NOX3: variants seen among roughly 807,000 people sequenced by gnomAD.
NOX3 encodes the protein NADPH oxidase 3, also known as NADPH oxidase catalytic subunit-like 3.
In NOX3, 74 loss-of-function variants were observed where a neutral mutation model predicts 76.7. The observed-to-expected ratio is 0.96, with a 90% confidence interval of 0.80 to 1.17. NOX3 has a LOEUF of 1.17. NOX3 is among the 50% of genes most tolerant of loss of function. NOX3 has a pLI of 0.00. For missense variants in NOX3, 695 were observed against 703.3 expected, an observed-to-expected ratio of 0.99 and a Z score of 0.13; for synonymous variants, 263 against 261.1, an observed-to-expected ratio of 1.01 and a Z score of -0.07.
intron 8 of NOX3, 22 bp from the exon 9 acceptor site, chr6:155,429,069 GTTTGCC>G: frequency 1.3e-6 from 2 of 1,511,168 alleles, no homozygotes; most frequent in Non-Finnish European, 1.8e-6. Context: ...TGAGAGAGTT[GTTTGCC>G]TTTGTCCTCG....
chr6:155,412,309 C>G (rs1476843849), intron 10 of NOX3, among the ~76,000 whole-genome samples: 1 of 152,086 alleles, frequency 6.6e-6, no homozygotes, highest in Non-Finnish European at 1.5e-5. Context: ...TGCCGGCCAG[C>G]TTGTAAGCTC....
At chr6:155,425,172 T>C (rs562595645) in intron 9 of NOX3, among the ~76,000 whole-genome samples, 6 of 152,238 alleles carry the variant, frequency 3.9e-5, no homozygotes, top group Non-Finnish European at 8.8e-5. Context: ...CTTTTGCCTT[T>C]CTGAGAAGCA....
chr6:155,409,335 T>C (rs1481877078), intron 11 of NOX3, among the ~76,000 whole-genome samples: 1 of 152,096 alleles, frequency 6.6e-6, no homozygotes, highest in Non-Finnish European at 1.5e-5. Flanking sequence ...GTGGCTCTGG[T>C]GCCAGAGGAA....
chr6:155,451,718 G>A (rs1414120853), intron 4 of NOX3, among the ~76,000 whole-genome samples: 1 of 151,864 alleles, frequency 6.6e-6, no homozygotes, highest in African/African-American at 2.4e-5. Flanking sequence ...TTCGCCTCCT[G>A]GGCTCAAGCT....
intron 9 of NOX3, among the ~76,000 whole-genome samples, chr6:155,426,298 G>C (rs75738456): frequency 0.012 from 1,902 of 152,278 alleles, 41 homozygotes; most frequent in African/African-American, 0.044. Context: ...GTCAGGGCCT[G>C]TTCTAGGCCC....
chr6:155,422,350 G>C (rs1274714151), intron 10 of NOX3, among the ~76,000 whole-genome samples: 1 of 152,190 alleles, frequency 6.6e-6, no homozygotes, highest in Non-Finnish European at 1.5e-5. Flanking sequence ...ACAGTCTGAA[G>C]CTAAAGAGAC....
intron 11 of NOX3, among the ~76,000 whole-genome samples, chr6:155,408,527 C>G (rs893401598): frequency 2.6e-5 from 4 of 152,126 alleles, no homozygotes; most frequent in African/African-American, 9.7e-5. Context: ...CTGACCTTCT[C>G]TCCAGTCTAA....
At chr6:155,446,371 C>T (rs1777064960) in intron 4 of NOX3, among the ~76,000 whole-genome samples, 1 of 152,056 alleles carries the variant, frequency 6.6e-6, no homozygotes. Context: ...ATTATCTCGA[C>T]GTCTTTAAAA....
intron 9 of NOX3, among the ~76,000 whole-genome samples, chr6:155,425,157 C>T: frequency 6.6e-6 from 1 of 152,220 alleles, no homozygotes; most frequent in East Asian, 1.9e-4. Context: ...TCTGACAACT[C>T]TCATCTTTTG....
chr6:155,419,468 A>G (rs9478650), intron 10 of NOX3, among the ~76,000 whole-genome samples: 5,047 of 152,216 alleles, frequency 0.033, 245 homozygotes, highest in African/African-American at 0.1. Context: ...AAGCTAGGAG[A>G]TTAGGACCTT....
chr6:155,416,193 G>A (rs558838027), intron 10 of NOX3, among the ~76,000 whole-genome samples: 11 of 152,336 alleles, frequency 7.2e-5, no homozygotes, highest in South Asian at 2.1e-4. Flanking sequence ...TGGGCAGCAC[G>A]CCTCTGTACC....
intron 11 of NOX3, among the ~76,000 whole-genome samples, chr6:155,407,931 A>G (rs1433614526): frequency 6.6e-6 from 1 of 152,188 alleles, no homozygotes. Context: ...GACAGCCCAC[A>G]GCATAATCCC....
intron 6 of NOX3, among the ~76,000 whole-genome samples, chr6:155,439,250 A>G (rs1475349599): frequency 6.6e-6 from 1 of 152,248 alleles, no homozygotes; most frequent in Non-Finnish European, 1.5e-5. Flanking sequence ...AAGCTAGTTC[A>G]CAGACAGCAA....
At chr6:155,409,248 C>T (rs1388706498) in intron 11 of NOX3, among the ~76,000 whole-genome samples, 4 of 152,026 alleles carry the variant, frequency 2.6e-5, no homozygotes, top group African/African-American at 9.7e-5. Flanking sequence ...AAGTGACACG[C>T]CAGGTGTGGG....
At chr6:155,439,759 A>G (rs1776956001) in intron 6 of NOX3, among the ~76,000 whole-genome samples, 197 bp downstream of exon 6, 2 of 152,224 alleles carry the variant, frequency 1.3e-5, no homozygotes, top group Non-Finnish European at 2.9e-5. Context: ...GAGGAAAAAT[A>G]AATATAATAC....
chr6:155,396,748 TG>T, intron 13 of NOX3, 60 bp downstream of exon 13: 1 of 1,379,936 alleles, frequency 7.2e-7, no homozygotes, highest in Non-Finnish European at 9.9e-7. Context: ...AAATGATTAC[TG>T]TTTGGCCCCT....
intron 6 of NOX3, among the ~76,000 whole-genome samples, chr6:155,437,076 G>A (rs1224464982): frequency 6.6e-6 from 1 of 152,182 alleles, no homozygotes; most frequent in Non-Finnish European, 1.5e-5. Flanking sequence ...GTCAAAACAG[G>A]TCACAATGGA....
chr6:155,455,047 C>T lies in NOX3; in HGVS notation c.131G>A (p.Arg44Gln), dbSNP rs764575745. 7.5e-6 allele frequency: 12 copies of T among 1,609,188 alleles called. No individual in the cohort carries two copies. The highest frequency in any genetic ancestry group is 6.7e-5 in the Admixed American group (4 of 59,812). Residue 44 changes from arginine (R) to glutamine (Q), a missense_variant, in exon 2 of 14, where the codon CGA (arginine) becomes CAA (glutamine). Arg to Gln is a conservative substitution (Grantham distance 43). Transcript: ENST00000159060. ...AACTGTACTTACACCCAAAATAACT[C>T]GTGTGTAATGGAAAGACTCCTCCTC... The part of the protein sequence containing the change: ...YEEEESFHYT[R>Q]VILGSTLAWA...
chr6:155,448,859 C>T (rs1176860684), intron 4 of NOX3, among the ~76,000 whole-genome samples: 1 of 152,124 alleles, frequency 6.6e-6, no homozygotes, highest in African/African-American at 2.4e-5. Flanking sequence ...AAGCAGCCTT[C>T]AGAAACAAGG....
Sources: gnomAD v4.1 joint callset for allele counts (sites outside exome capture counted in the v4.1 genomes callset) on GRCh38, gnomAD v4.1.1 for gene constraint, MANE v1.5 for transcripts, NCBI Gene and HGNC (gene_info 2026-07-23, HGNC 2026-07-21) for gene names.